The following ST6GALNAC5 variants were observed in gnomAD, a reference collection of about 807,000 sequenced individuals.
ST6GALNAC5 encodes ST6 N-acetylgalactosaminide alpha-2,6-sialyltransferase 5, also known as alpha-N-acetylgalactosaminide alpha-2,6-sialyltransferase 5.
ST6GALNAC5 carries 27 observed loss-of-function variants against 33.6 expected under a neutral mutation model. The observed-to-expected ratio is 0.80, with a 90% confidence interval of 0.59 to 1.11. The LOEUF (loss-of-function observed/expected upper bound fraction) is 1.11, where lower values mean the gene tolerates loss of function less well. Among genes scored for constraint, ST6GALNAC5 ranks in the 50% least tolerant of loss-of-function variants. ST6GALNAC5 has a pLI of 0.00. For synonymous variants in ST6GALNAC5, 194 were observed against 171.2 expected (o/e 1.13, Z -1.04); for missense variants, 428 against 454.0 (o/e 0.94, Z 0.52).
At chr1:76,988,703 T>G (rs142380627) in intron 2 of ST6GALNAC5, among the ~76,000 whole-genome samples, 107 of 152,250 alleles carry the variant, frequency 7.0e-4, no homozygotes, top group African/African-American at 2.5e-3. Context: ...ATCATTTCAA[T>G]TTCTTTCCCT....
chr1:76,998,956 A>C (rs1650040422), intron 2 of ST6GALNAC5, among the ~76,000 whole-genome samples: 3 of 152,204 alleles, frequency 2.0e-5, no homozygotes, highest in East Asian at 1.9e-4. Context: ...AATCATTTCC[A>C]TGCAACATTT....
rs1652760203 is a variant in ST6GALNAC5, at chr1:77,065,877, C to T, written c.*2671C>T. 6.6e-6 allele frequency among the ~76,000 whole-genome samples: 1 copy of T among 152,172 alleles called. No homozygotes were observed. The highest frequency in any genetic ancestry group is 2.4e-5 in the African/African-American group (1 of 41,450). ...ACAGTAATACAATGCCACAGCTGGT[C>T]GATCCATGGCTTCTGTTATTTCAAC... On this transcript the variant is annotated 3_prime_UTR_variant, in exon 5 of 5. Transcript: ENST00000477717.
chr1:76,897,766 G>A (rs914175899), intron 2 of ST6GALNAC5, among the ~76,000 whole-genome samples: 1 of 151,712 alleles, frequency 6.6e-6, no homozygotes, highest in African/African-American at 2.4e-5. Flanking sequence ...GGGCAGGTGG[G>A]GATAACTAAA....
intron 2 of ST6GALNAC5, among the ~76,000 whole-genome samples, chr1:76,879,933 C>T (rs1309154915): frequency 6.6e-6 from 1 of 152,164 alleles, no homozygotes; most frequent in African/African-American, 2.4e-5. Context: ...TGTTGCAAGT[C>T]AGCCACTTGC....
chr1:76,894,736 A>T (rs1456124383), intron 2 of ST6GALNAC5, among the ~76,000 whole-genome samples: 1 of 152,174 alleles, frequency 6.6e-6, no homozygotes, highest in Non-Finnish European at 1.5e-5. Context: ...GTAAAAGTGG[A>T]TAGGAGGAGG....
At chr1:76,941,663 C>A (rs1261191091) in intron 2 of ST6GALNAC5, among the ~76,000 whole-genome samples, 1 of 151,994 alleles carries the variant, frequency 6.6e-6, no homozygotes, top group African/African-American at 2.4e-5. Flanking sequence ...AGGAGAAGGC[C>A]ATGGGAAGAC....
intron 2 of ST6GALNAC5, among the ~76,000 whole-genome samples, chr1:76,886,330 C>T (rs547890702): frequency 1.3e-5 from 2 of 152,132 alleles, no homozygotes; most frequent in Non-Finnish European, 2.9e-5. Context: ...GATAAGATCT[C>T]TGAGCTACTC....
At chr1:76,981,869 G>A (rs146488263) in intron 2 of ST6GALNAC5, among the ~76,000 whole-genome samples, 1 of 152,188 alleles carries the variant, frequency 6.6e-6, no homozygotes, top group East Asian at 1.9e-4. Context: ...CAGGCAAACA[G>A]GGTCTGGAGT....
intron 2 of ST6GALNAC5, among the ~76,000 whole-genome samples, chr1:77,032,411 G>A (rs1421222996): frequency 6.6e-6 from 1 of 152,152 alleles, no homozygotes; most frequent in East Asian, 1.9e-4. Flanking sequence ...AACCAGGGGT[G>A]GAGTCAGGGG....
rs934844762 is a variant in ST6GALNAC5 at position 76,868,176 on chromosome 1, G to T, written c.16-321G>T. On this transcript the variant is annotated intron_variant, in intron 1 of 4. Transcript: ENST00000477717. The surrounding 1 kb of genome is among the most constrained non-coding windows in gnomAD (Gnocchi z 4.3). ...CTTGGCTGGGGTGGCTGCGCCAGAC[G>T]GGCCCTTCCCCAAAGTGCAAACCCA... 6.6e-6 allele frequency among the ~76,000 whole-genome samples: 1 copy of T among 152,066 alleles called. No individual in the cohort carries two copies. The highest frequency in any genetic ancestry group is 1.5e-5 in the Non-Finnish European group (1 of 67,976).
intron 4 of ST6GALNAC5, among the ~76,000 whole-genome samples, chr1:77,053,683 G>A (rs1652300477): frequency 6.6e-6 from 1 of 152,154 alleles, no homozygotes; most frequent in Admixed American, 6.5e-5. Flanking sequence ...CTTGCATTGA[G>A]AGTTTATACG....
At chr1:76,952,628 T>C (rs949408354) in intron 2 of ST6GALNAC5, among the ~76,000 whole-genome samples, 2 of 152,116 alleles carry the variant, frequency 1.3e-5, no homozygotes, top group South Asian at 2.1e-4. Flanking sequence ...CTGTCCATCA[T>C]GTGTATTGCA....
At chr1:76,996,828 C>T (rs1649956484) in intron 2 of ST6GALNAC5, among the ~76,000 whole-genome samples, 1 of 152,098 alleles carries the variant, frequency 6.6e-6, no homozygotes, top group South Asian at 2.1e-4. Flanking sequence ...AGAAAATAAC[C>T]TGCAAAGGTG....
intron 2 of ST6GALNAC5, among the ~76,000 whole-genome samples, chr1:76,963,271 C>T (rs776058444): frequency 6.6e-6 from 1 of 152,192 alleles, no homozygotes; most frequent in Admixed American, 6.5e-5. Flanking sequence ...TCAAATTTAA[C>T]ATGACCAGCC....
intron 2 of ST6GALNAC5, among the ~76,000 whole-genome samples, chr1:76,904,419 T>C (rs1181516901): frequency 6.6e-6 from 1 of 152,140 alleles, no homozygotes; most frequent in African/African-American, 2.4e-5. Flanking sequence ...TCCATCAATA[T>C]TTGAACAAAT....
intron 2 of ST6GALNAC5, among the ~76,000 whole-genome samples, chr1:76,974,186 G>A: frequency 6.9e-6 from 1 of 143,962 alleles, no homozygotes; most frequent in Admixed American, 6.9e-5. Context: ...TTCATTTGTT[G>A]AAGTATTCTT....
At chr1:77,006,698 C>T (rs539447791) in intron 2 of ST6GALNAC5, among the ~76,000 whole-genome samples, 1 of 152,270 alleles carries the variant, frequency 6.6e-6, no homozygotes, top group South Asian at 2.1e-4. Context: ...TTGTCAGTTA[C>T]CTATTGCTAT....
chr1:76,891,140 T>C (rs1304609050), intron 2 of ST6GALNAC5, among the ~76,000 whole-genome samples: 1 of 152,188 alleles, frequency 6.6e-6, no homozygotes, highest in African/African-American at 2.4e-5. Context: ...ACCTGAGTCT[T>C]AGCCTTTTAA....
At position 76,911,402 on chromosome 1, in the gene ST6GALNAC5, C is replaced by A. The variant is rs553021455; in HGVS notation, c.261+42660C>A. Among the ~76,000 whole-genome samples the A allele has an allele frequency of 4.5e-4, 68 of 152,176 alleles. No homozygotes were observed. The South Asian group carries it at 0.013, about 30-fold the overall frequency. On this transcript the variant is annotated intron_variant, in intron 2 of 4. Coordinates refer to ENST00000477717, the MANE Select transcript of ST6GALNAC5 (RefSeq NM_030965.3). ...TCATCAAGGATATTGGTCTAAAATT[C>A]TCTTTTTTGGTTGTGTCTCTGCCCG... is the stretch of plus-strand genomic sequence containing the variant.
Sources: gnomAD v4.1 joint callset for allele counts (sites outside exome capture counted in the v4.1 genomes callset) on GRCh38, gnomAD v4.1.1 for gene constraint, Gnocchi (gnomAD v3.1) non-coding constraint, MANE v1.5 for transcripts, NCBI Gene and HGNC (gene_info 2026-07-23, HGNC 2026-07-21) for gene names.